The following ASH2L variants were observed in gnomAD, a reference collection of about 807,000 sequenced individuals.
ASH2L encodes ASH2 like, histone lysine methyltransferase complex subunit.
In ASH2L, 30 loss-of-function variants were observed where a neutral mutation model predicts 81.1. The ratio of observed to expected loss-of-function variants is 0.37; its 90% CI spans 0.28 to 0.50. The LOEUF is 0.50. ASH2L is among the 20% of genes least tolerant of loss of function. ASH2L has a pLI of 0.95. For synonymous variants in ASH2L, 273 were observed against 279.9 expected (o/e 0.98, Z 0.24); for missense variants, 559 against 792.1 (o/e 0.71, Z 3.53).
intron 7 of ASH2L, among the ~76,000 whole-genome samples, chr8:38,116,114 G>C (rs1470092671): frequency 6.6e-6 from 1 of 152,162 alleles, no homozygotes; most frequent in Non-Finnish European, 1.5e-5. Context: ...TGTAATCCCA[G>C]CACTTTGGGA....
intron 3 of ASH2L, among the ~76,000 whole-genome samples, chr8:38,107,591 C>T (rs1342002344): frequency 6.6e-6 from 1 of 152,070 alleles, no homozygotes; most frequent in East Asian, 1.9e-4. Context: ...TTTCTCATTG[C>T]TGCTGACTCA....
rs115679580 is a variant in ASH2L at position 38,118,858 on chromosome 8, C to T, written c.854-412C>T. Reference sequence around the variant, plus strand: ...TCGACTTACAGTGAGGATATTCTCTCTTTATGGGTGTTTGTATTAATTTGG... The same window carrying T: ...TCGACTTACAGTGAGGATATTCTCTTTTTATGGGTGTTTGTATTAATTTGG... On this transcript the variant is annotated intron_variant, in intron 8 of 15. Coordinates refer to ENST00000343823, the MANE Select transcript of ASH2L (RefSeq NM_004674.5). Among the ~76,000 whole-genome samples the T allele has an allele frequency of 6.0e-3, 909 of 152,240 alleles. 9 individuals carry two copies. The highest frequency in any genetic ancestry group is 0.021 in the African/African-American group (865 of 41,558).
At chr8:38,126,479 A>C (rs1416089112) in intron 10 of ASH2L, among the ~76,000 whole-genome samples, 3 of 152,170 alleles carry the variant, frequency 2.0e-5, no homozygotes, top group South Asian at 4.1e-4. Context: ...GGTTTTGATG[A>C]TTATGTTAAT....
Position 38,107,027 on chromosome 8 carries a change from G to T in ASH2L, c.262G>T (p.Ala88Ser). 5 of 1,614,028 alleles carry T rather than the reference G, an allele frequency of 3.1e-6. No homozygotes were observed. The highest frequency in any genetic ancestry group is 4.2e-6 in the Non-Finnish European group (5 of 1,179,934). ...SSNGKDTLEG[A>S]GDTSEVMDTQ... Reference sequence around the variant, plus strand: ...TCGAACTGCTCTGACACAGGAAGGTGCTGGGGATACATCAGAGGTGATGGA... The same window carrying T: ...TCGAACTGCTCTGACACAGGAAGGTTCTGGGGATACATCAGAGGTGATGGA... The change falls in exon 3 of 16, where the codon GCT (alanine) becomes TCT (serine). Residue 88 changes from alanine to serine, a missense_variant. This residue lies in a region of ASH2L where 145 missense variants were observed against 115.5 expected (regional missense o/e 1.26). Coordinates refer to ENST00000343823, the MANE Select transcript of ASH2L (RefSeq NM_004674.5).
chr8:38,105,851 A>T (rs988505429), intron 1 of ASH2L, 113 bp downstream of exon 1: 1 of 1,436,366 alleles, frequency 7.0e-7, no homozygotes, highest in Non-Finnish European at 9.1e-7. Context: ...CCCGCCGCCA[A>T]TGGCTCGCCC....
At chr8:38,107,287 A>G (rs745507632) in intron 3 of ASH2L, 121 bp downstream of exon 3, 7 of 1,250,876 alleles carry the variant, frequency 5.6e-6, no homozygotes, top group Non-Finnish European at 8.0e-6. Context: ...ACCCCTATTC[A>G]GCAAGTAGGA....
chr8:38,112,883 T>C (rs535240338), intron 5 of ASH2L, among the ~76,000 whole-genome samples: 134 of 152,320 alleles, frequency 8.8e-4, no homozygotes, highest in African/African-American at 3.2e-3. Context: ...TGTAAATAAC[T>C]TTCCCTCATT....
intron 9 of ASH2L, 24 bp from the exon 10 acceptor site, chr8:38,120,908 G>T (rs755538830): frequency 1.2e-5 from 19 of 1,601,558 alleles, no homozygotes; most frequent in Admixed American, 8.4e-5. Context: ...TTAGTTTTTT[G>T]ATGTTATTTT....
At chr8:38,128,270 T>TTTTAA in intron 10 of ASH2L, 21 bp from the exon 11 acceptor site, 1 of 1,613,752 alleles carries the variant, frequency 6.2e-7, no homozygotes, top group South Asian at 1.1e-5. Flanking sequence ...GCAGGCCTTC[T>TTTTAA]TTTAATCTCT....
chr8:38,112,551 C>T (rs934585454), intron 5 of ASH2L, among the ~76,000 whole-genome samples: 1 of 152,158 alleles, frequency 6.6e-6, no homozygotes. Context: ...TTGTGAGCCA[C>T]TGTGCCTGGC....
intron 12 of ASH2L, among the ~76,000 whole-genome samples, chr8:38,131,271 A>G (rs1802049124): frequency 6.6e-6 from 1 of 152,204 alleles, no homozygotes; most frequent in Admixed American, 6.5e-5. Context: ...TTTACAGAAC[A>G]CAGAGGTCTG....
At chr8:38,116,826 T>G (rs1411113488) in intron 8 of ASH2L, 101 bp downstream of exon 8, 1 of 964,338 alleles carries the variant, frequency 1.0e-6, no homozygotes, top group Non-Finnish European at 1.5e-6. Context: ...ACCTGGATAC[T>G]TACTAAAATG....
rs775164877 is a variant in ASH2L at position 38,110,455 on chromosome 8, C to A, written c.478C>A (p.Arg160=). The part of the protein sequence containing the change: ...CHHSGNTYFL[R]KQANLKEMCL... ...TCACAGTGGGAATACCTATTTCCTC[C>A]GGAAGCAAGCAAGTAAGAACAAACT... The change falls in exon 4 of 16, where the codon CGG becomes AGG. Residue 160 remains arginine, a synonymous_variant. Coordinates refer to ENST00000343823, the MANE Select transcript of ASH2L (RefSeq NM_004674.5). The A allele has an allele frequency of 1.2e-6, 2 of 1,613,238 alleles. No homozygotes were observed. Among genetic ancestry groups the A allele is most frequent in the Non-Finnish European group, 8.5e-7 (1 of 1,179,234 alleles).
Position 38,106,161 on chromosome 8 carries a change from G to A in ASH2L, c.189-217G>A. 5 of 1,531,616 alleles carry A rather than the reference G, an allele frequency of 3.3e-6. No individual in the cohort carries two copies. In the South Asian group the frequency reaches 3.6e-5, roughly 11 times the overall value. The allele number at this position is 1,531,616 out of a possible 1,614,324, so 94.9% of individuals were successfully genotyped here. On this transcript the variant is annotated intron_variant, in intron 1 of 15. Transcript: ENST00000343823. ...CCAGGTAGATTTGACTGTAAAGGCC[G>A]GTTAGGCTTCCCTGTGCTCCGTGGG...
chr8:38,106,133 A>G (rs1406302649), intron 1 of ASH2L: 1 of 1,528,666 alleles, frequency 6.5e-7, no homozygotes, highest in Non-Finnish European at 8.8e-7. Context: ...GACCAACTCT[A>G]ACCCAGGTAG....
In ASH2L at chr8:38,105,714, C is replaced by A; in HGVS notation, c.164C>A (p.Pro55His). The change falls in exon 1 of 16, where the codon CCC (proline) becomes CAC (histidine). Residue 55 changes from proline (P) to histidine (H), a missense_variant. Pro to His is a moderately conservative substitution (Grantham distance 77). Around this residue, in one of 4 missense-constraint regions of ASH2L, gnomAD observed 145 missense variants for 115.5 expected, o/e 1.26. Coordinates refer to ENST00000343823, the MANE Select transcript of ASH2L (RefSeq NM_004674.5). The part of the protein sequence containing the change: ...EGISAAPTVE[P>H]SSGEAEGGEA... ...ATCTCTGCTGCTCCGACAGTTGAGC[C>A]CAGTTCCGGGGAGGCTGAAGGCGGG... is the stretch of plus-strand genomic sequence containing the variant. 1 of 1,544,354 alleles carries A rather than the reference C, an allele frequency of 6.5e-7. No homozygotes were observed.
At chr8:38,106,868 T>C (rs536056551) in intron 2 of ASH2L, among the ~76,000 whole-genome samples, 153 bp from the exon 3 acceptor site, 2 of 150,100 alleles carry the variant, frequency 1.3e-5, no homozygotes, top group Non-Finnish European at 3.0e-5. Flanking sequence ...CGGTGGCTCA[T>C]GCCTGTAATC....
Position 38,138,779 on chromosome 8 carries a change from A to T in ASH2L, c.1720-37A>T, listed in dbSNP as rs771935555. 40 of 1,600,636 alleles carry T rather than the reference A, an allele frequency of 2.5e-5. No individual in the cohort carries two copies. The highest frequency in any genetic ancestry group is 3.3e-5 in the Non-Finnish European group (39 of 1,171,952). ...TTAACTTTTCCAATATTTTTTGTCC[A>T]TTTTTTCCATGTCTGCTTGAATTGA... On this transcript the variant is annotated intron_variant, in intron 14 of 15. Coordinates refer to ENST00000343823, the MANE Select transcript of ASH2L (RefSeq NM_004674.5).
intron 9 of ASH2L, among the ~76,000 whole-genome samples, chr8:38,119,754 G>C (rs1811059769): frequency 6.6e-6 from 1 of 152,022 alleles, no homozygotes; most frequent in Non-Finnish European, 1.5e-5. Context: ...AGTGAGCCAA[G>C]ATCATGCCAC....
Sources: gnomAD v4.1 joint callset for allele counts (sites outside exome capture counted in the v4.1 genomes callset) on GRCh38, gnomAD v4.1.1 for gene constraint, gnomAD v4.1.1 regional missense constraint, MANE v1.5 for transcripts, NCBI Gene and HGNC (gene_info 2026-07-23, HGNC 2026-07-21) for gene names.